Variants in HHEX observed in about 807,000 individuals in gnomAD.
HHEX encodes the protein hematopoietically-expressed homeobox protein HHEX.
A neutral mutation model predicts 27.0 loss-of-function variants in HHEX; 8 were observed. That is an observed-to-expected ratio of 0.30 (90% CI 0.17 to 0.54). The LOEUF (loss-of-function observed/expected upper bound fraction) is 0.54. HHEX is among the 20% of genes least tolerant of loss of function. The pLI, the probability that HHEX is intolerant of heterozygous loss-of-function variation, is 0.95. For synonymous variants in HHEX, 164 were observed against 161.5 expected, an observed-to-expected ratio of 1.02 and a Z score of -0.12; for missense variants, 326 against 357.2, an observed-to-expected ratio of 0.91 and a Z score of 0.70.
At chr10:92,690,808 G>A (rs1845347926) in intron 1 of HHEX, among the ~76,000 whole-genome samples, 1 of 152,232 alleles carries the variant, frequency 6.6e-6, no homozygotes, top group Non-Finnish European at 1.5e-5. Flanking sequence ...CTCGATAGGA[G>A]TAAATCTGGT....
chr10:92,695,531 T>C lies in HHEX; in HGVS notation c.*763T>C, dbSNP rs946213007. 1 of 152,324 alleles carries C rather than the reference T, an allele frequency of 6.6e-6. No individual in the cohort carries two copies. The highest frequency in any genetic ancestry group is 6.6e-5 in the Admixed American group (1 of 15,264). 9.4% of individuals were successfully genotyped at this position (152,324 alleles called of 1,614,324 possible). On this transcript the variant is annotated 3_prime_UTR_variant, in exon 4 of 4. Transcript: ENST00000282728. Reference sequence around the variant, plus strand: ...GTAGATACTGTTTTATATCAAACAATGTTTATAATGTGTATATAGAATTGT... The same window carrying C: ...GTAGATACTGTTTTATATCAAACAACGTTTATAATGTGTATATAGAATTGT...
rs1845387709 is a variant in HHEX, at chr10:92,694,712, G to T, written c.757G>T (p.Asp253Tyr). 1 of 1,614,020 alleles carries T rather than the reference G, an allele frequency of 6.2e-7. No individual in the cohort carries two copies. Among genetic ancestry groups the T allele is most frequent in the African/African-American group, 1.3e-5 (1 of 74,926 alleles). The change falls in exon 4 of 4, where the codon GAT becomes TAT. Residue 253 changes from aspartate to tyrosine, a missense_variant. Asp to Tyr is a radical substitution (Grantham distance 160). This residue lies in a region of HHEX where 68 missense variants were observed against 84.9 expected (regional missense o/e 0.80). Coordinates refer to ENST00000282728, the MANE Select transcript of HHEX (RefSeq NM_002729.5). Reference sequence around the variant, plus strand: ...AGACCTTGAATCAGAGATTTCAGAGGATTCTGATCAGGAAGTGGACATTGA... The same window carrying T: ...AGACCTTGAATCAGAGATTTCAGAGTATTCTGATCAGGAAGTGGACATTGA... The part of the protein sequence containing the change: ...QEDLESEISE[D>Y]SDQEVDIEGD...
rs1845396892 is a variant in HHEX, at chr10:92,695,467, T to G, written c.*699T>G. ...TGACCTGACTAAAGTTAATCGCAGATGAACTAGAAGTCACAGGTTAATTAA... is the reference window on the plus strand; with the variant it reads ...TGACCTGACTAAAGTTAATCGCAGAGGAACTAGAAGTCACAGGTTAATTAA... On this transcript the variant is annotated 3_prime_UTR_variant, in exon 4 of 4. Coordinates refer to ENST00000282728, the MANE Select transcript of HHEX (RefSeq NM_002729.5). 1 of 152,662 alleles carries G rather than the reference T, an allele frequency of 6.6e-6. No individual in the cohort carries two copies. Among genetic ancestry groups the G allele is most frequent in the African/African-American group, 2.4e-5 (1 of 41,438 alleles). The allele number at this position is 152,662 out of a possible 1,614,324, so 9.5% of individuals were successfully genotyped here. A position where few individuals can be genotyped will look rare whatever the true frequency, so the allele number is the denominator to read the frequency against.
Position 92,690,201 on chromosome 10 carries a change from C to A in HHEX, c.215C>A (p.Pro72His), listed in dbSNP as rs746868626. 1 of 1,574,122 alleles carries A rather than the reference C, an allele frequency of 6.4e-7. No individual in the cohort carries two copies. The highest frequency in any genetic ancestry group is 8.6e-7 in the Non-Finnish European group (1 of 1,160,858). ...VSPYRTPVYE[P>H]TPIHPAFSHH... ...CCCTACCGGACCCCGGTGTACGAGCCCACGCCGATCCATCCAGCCTTCTCG... is the reference window on the plus strand; with the variant it reads ...CCCTACCGGACCCCGGTGTACGAGCACACGCCGATCCATCCAGCCTTCTCG... The change falls in exon 1 of 4, where the codon CCC becomes CAC. Residue 72 changes from proline (P) to histidine (H), a missense_variant. Pro to His is a moderately conservative substitution (Grantham distance 77). Around this residue, in one of 4 missense-constraint regions of HHEX, gnomAD observed 215 missense variants for 196.4 expected, o/e 1.09. Coordinates refer to ENST00000282728, the MANE Select transcript of HHEX (RefSeq NM_002729.5).
chr10:92,691,009 A>G (rs1236286015), intron 1 of HHEX, among the ~76,000 whole-genome samples: 2 of 152,204 alleles, frequency 1.3e-5, no homozygotes. Context: ...TATGGCAGCT[A>G]AAATAACCAG....
intron 1 of HHEX, 76 bp from the exon 2 acceptor site, chr10:92,692,292 C>T (rs1845363414): frequency 6.6e-7 from 1 of 1,507,352 alleles, no homozygotes; most frequent in African/African-American, 1.4e-5. Flanking sequence ...CTTTGTCATC[C>T]CTGGGGCCCG....
In HHEX at chr10:92,690,241, C is replaced by T. The variant is rs894390926; in HGVS notation, c.255C>T (p.Ala85=). 1 of 1,564,900 alleles carries T rather than the reference C, an allele frequency of 6.4e-7. No individual in the cohort carries two copies. Among genetic ancestry groups the T allele is most frequent in the Non-Finnish European group, 8.7e-7 (1 of 1,155,586 alleles). Residue 85 remains alanine (A), a synonymous_variant, in exon 1 of 4, where the codon GCC becomes GCT. Transcript: ENST00000282728. ...CAGCCTTCTCGCACCACTCCGCCGC[C>T]GCGCTGGCCGCTGCCTACGGACCCG... The part of the protein sequence containing the change: ...IHPAFSHHSA[A]ALAAAYGPGG...
rs998315585 is a variant in HHEX at position 92,694,753 on chromosome 10, T to C, written c.798T>C (p.Tyr266=). Residue 266 remains tyrosine (Y), a synonymous_variant, in exon 4 of 4, where the codon TAT becomes TAC. Transcript: ENST00000282728. ...TGGACATTGAGGGCGATAAAAGCTA[T>C]TTTAATGCTGGATGATGACCACTGG... ...QEVDIEGDKS[Y]FNAG is the part of the protein sequence containing the mutation. The C allele has an allele frequency of 1.7e-5, 28 of 1,611,972 alleles. No homozygotes were observed. The highest frequency in any genetic ancestry group is 2.3e-5 in the Non-Finnish European group (27 of 1,178,208).
rs1845337735 is a variant in HHEX at position 92,690,200 on chromosome 10, C to G, written c.214C>G (p.Pro72Ala). ...VSPYRTPVYE[P>A]TPIHPAFSHH... ...CCCCTACCGGACCCCGGTGTACGAG[C>G]CCACGCCGATCCATCCAGCCTTCTC... Residue 72 changes from proline to alanine, a missense_variant, in exon 1 of 4, where the codon CCC becomes GCC. Physicochemically the swap from Pro to Ala is conservative, Grantham distance 27. This residue lies in a region of HHEX where 215 missense variants were observed against 196.4 expected (regional missense o/e 1.09). Coordinates refer to ENST00000282728, the MANE Select transcript of HHEX (RefSeq NM_002729.5). 2 of 1,574,262 alleles carry G rather than the reference C, an allele frequency of 1.3e-6. No homozygotes were observed. Among genetic ancestry groups the G allele is most frequent in the African/African-American group, 1.4e-5 (1 of 74,060 alleles).
chr10:92,692,499 C>T lies in HHEX; in HGVS notation c.493C>T (p.Pro165Ser), dbSNP rs751698879. The change falls in exon 2 of 4, where the codon CCC becomes TCC. Residue 165 changes from proline to serine, a missense_variant. By Grantham distance (74) the Pro-to-Ser change is moderately conservative. Transcript: ENST00000282728. ...KFETQKYLSP[P>S]ERKRLAKMLQ... ...CGAGACGCAGAAATATCTCTCTCCG[C>T]CCGAGAGGAAGCGTCTGGCCAAGAT... 4 of 1,613,872 alleles carry T rather than the reference C, an allele frequency of 2.5e-6. No individual in the cohort carries two copies. The highest frequency in any genetic ancestry group is 1.3e-5 in the African/African-American group (1 of 74,916).
At position 92,690,362 on chromosome 10, in the gene HHEX, C is replaced by T; in HGVS notation, c.361+15C>T. ...CGACCCCCTGGGTAAGGCGGCCGGG[C>T]GAGGGTGGGGGCGAGGAAGCGCCAC... On this transcript the variant is annotated intron_variant, in intron 1 of 3. Transcript: ENST00000282728. 3.5e-6 allele frequency: 5 copies of T among 1,433,086 alleles called. No homozygotes were observed. Among genetic ancestry groups the T allele is most frequent in the Non-Finnish European group, 4.6e-6 (5 of 1,091,562 alleles). 88.8% of individuals were successfully genotyped at this position (1,433,086 alleles called of 1,614,324 possible). A position where few individuals can be genotyped will look rare whatever the true frequency, so the allele number is the denominator to read the frequency against.
chr10:92,694,783 G>C lies in HHEX; in HGVS notation c.*15G>C, dbSNP rs1307985853. 2 of 1,557,650 alleles carry C rather than the reference G, an allele frequency of 1.3e-6. No homozygotes were observed. Among genetic ancestry groups the C allele is most frequent in the Admixed American group, 3.3e-5 (2 of 59,912 alleles). On this transcript the variant is annotated 3_prime_UTR_variant, in exon 4 of 4. Coordinates refer to ENST00000282728, the MANE Select transcript of HHEX (RefSeq NM_002729.5). ...ATGCTGGATGATGACCACTGGCATT[G>C]GCATGTTCAGAAAACTGGATTTAGG...
In HHEX at chr10:92,695,567, A is replaced by G. The variant is rs530907777; in HGVS notation, c.*799A>G. 2 of 152,392 alleles carry G rather than the reference A, an allele frequency of 1.3e-5. No homozygotes were observed. The highest frequency in any genetic ancestry group is 1.3e-4 in the Admixed American group (2 of 15,304). 9.4% of individuals were successfully genotyped at this position (152,392 alleles called of 1,614,324 possible). Reference sequence around the variant, plus strand: ...TGTATATAGAATTGTTCACTGTAAAAAAAATGGCCAAAATGTGTTTTTTTT... The same window carrying G: ...TGTATATAGAATTGTTCACTGTAAAGAAAATGGCCAAAATGTGTTTTTTTT... On this transcript the variant is annotated 3_prime_UTR_variant, in exon 4 of 4. Transcript: ENST00000282728.
chr10:92,694,399 T>C (rs1845384788), intron 3 of HHEX, 148 bp from the exon 4 acceptor site: 2 of 634,614 alleles, frequency 3.2e-6, no homozygotes, highest in Non-Finnish European at 5.4e-6. Context: ...CACAAGTATG[T>C]ATCTCCTGAA....
intron 3 of HHEX, among the ~76,000 whole-genome samples, chr10:92,693,812 C>T (rs964242095): frequency 1.2e-4 from 18 of 152,118 alleles, no homozygotes; most frequent in Admixed American, 1.1e-3. Context: ...AATTCACTAG[C>T]TTATATACTT....
chr10:92,692,341 G>A, intron 1 of HHEX, 27 bp from the exon 2 acceptor site: 1 of 1,610,486 alleles, frequency 6.2e-7, no homozygotes, highest in Non-Finnish European at 8.5e-7. Context: ...CAGGGCAGTG[G>A]GTGAGCGCCG....
At chr10:92,692,646 C>T in intron 2 of HHEX, 56 bp from the exon 3 acceptor site, 1 of 1,607,364 alleles carries the variant, frequency 6.2e-7, no homozygotes, top group Non-Finnish European at 8.5e-7. Context: ...CCACCCTGCC[C>T]TCTGGCACGT....
At chr10:92,692,801 A>G in intron 3 of HHEX, 49 bp downstream of exon 3, 2 of 1,467,036 alleles carry the variant, frequency 1.4e-6, no homozygotes, top group Non-Finnish European at 1.9e-6. Flanking sequence ...TTATCACGTT[A>G]TCTCAGTGCA....
At chr10:92,690,619 C>T (rs1388853221) in intron 1 of HHEX, among the ~76,000 whole-genome samples, 1 of 152,108 alleles carries the variant, frequency 6.6e-6, no homozygotes, top group Non-Finnish European at 1.5e-5. Context: ...CGCGTGTTAC[C>T]CGGGGTGGGG....
Sources: allele counts gnomAD v4.1 joint callset (sites outside exome capture counted in the v4.1 genomes callset), GRCh38; gene constraint gnomAD v4.1.1; regional missense constraint gnomAD v4.1.1; transcripts MANE v1.5; gene names NCBI Gene and HGNC (gene_info 2026-07-23, HGNC 2026-07-21).